The following WDR89 variants were observed in gnomAD, a reference collection of about 807,000 sequenced individuals.
The protein encoded by WDR89 is WD repeat domain 89.
WDR89 carries 17 observed loss-of-function variants against 29.1 expected under a neutral mutation model. The observed-to-expected ratio is 0.58, with a 90% CI of 0.40 to 0.88. The LOEUF (loss-of-function observed/expected upper bound fraction) is 0.88, where lower values mean the gene tolerates loss of function less well. Ranked by LOEUF, WDR89 falls within the 40% of genes least tolerant of loss-of-function variation. The pLI, the probability that WDR89 is intolerant of heterozygous loss-of-function variation, is 0.00. For synonymous variants in WDR89, 138 were observed against 157.8 expected (o/e 0.87, Z 0.94); for missense variants, 396 against 456.3 (o/e 0.87, Z 1.20).
chr14:63,605,164 C>CTA (rs1187855531), intron 2 of WDR89, among the ~76,000 whole-genome samples: 3 of 133,720 alleles, frequency 2.2e-5, no homozygotes, highest in South Asian at 2.3e-4. Context: ...CTCTCTCTCT[C>CTA]TCTATATATA....
At chr14:63,602,269 C>T (rs1321535560) in intron 2 of WDR89, among the ~76,000 whole-genome samples, 2 of 151,928 alleles carry the variant, frequency 1.3e-5, no homozygotes, top group Non-Finnish European at 2.9e-5. Context: ...GTCAGGAGTT[C>T]GAGACCAGTC....
chr14:63,633,350 T>C (rs1275541612), intron 1 of WDR89, among the ~76,000 whole-genome samples: 1 of 152,114 alleles, frequency 6.6e-6, no homozygotes, highest in African/African-American at 2.4e-5. Flanking sequence ...AGAAAGACAC[T>C]TTAACATATT....
intron 1 of WDR89, among the ~76,000 whole-genome samples, chr14:63,639,254 T>C (rs1366647893): frequency 1.3e-5 from 2 of 151,504 alleles, no homozygotes; most frequent in Admixed American, 6.6e-5. Context: ...GCATGGTGGC[T>C]CATGCCAGTA....
intron 1 of WDR89, among the ~76,000 whole-genome samples, chr14:63,640,487 C>CT (rs147475625): frequency 0.11 from 16,357 of 149,862 alleles, 1,993 homozygotes; most frequent in African/African-American, 0.31. Flanking sequence ...GTTTTATTGA[C>CT]TTTTTTTTTT....
intron 2 of WDR89, among the ~76,000 whole-genome samples, chr14:63,617,700 G>A (rs1595027641): frequency 6.6e-6 from 1 of 151,896 alleles, no homozygotes; most frequent in African/African-American, 2.4e-5. Context: ...GGCCAGGCTG[G>A]TCTCAAACCC....
At chr14:63,617,812 T>C (rs576701326) in intron 2 of WDR89, among the ~76,000 whole-genome samples, 34 of 152,242 alleles carry the variant, frequency 2.2e-4, no homozygotes, top group Non-Finnish European at 3.1e-4. Flanking sequence ...ATAAAAAACA[T>C]GCAACTGGTA....
intron 2 of WDR89, among the ~76,000 whole-genome samples, chr14:63,619,835 T>C (rs1409593978): frequency 6.6e-6 from 1 of 151,866 alleles, no homozygotes; most frequent in African/African-American, 2.4e-5. Context: ...TGAAACCCCA[T>C]CTCTAGTGAA....
intron 2 of WDR89, chr14:63,601,606 C>G: frequency 1.2e-6 from 2 of 1,613,130 alleles, no homozygotes; most frequent in South Asian, 2.2e-5. Context: ...ATTATGCTTC[C>G]AGAAAAATCT....
At position 63,628,832 on chromosome 14, in the gene WDR89, T is replaced by G. The variant is rs1883225959; in HGVS notation, c.-137-3799A>C. ...AAAAAATTAGCCAGGCATGGTGACG[T>G]GCATGCCTGTGGTCCCAGCAACTTG... On this transcript the variant is annotated intron_variant, in intron 1 of 2. Transcript: ENST00000620954. Among the ~76,000 whole-genome samples the G allele has an allele frequency of 2.0e-5, 3 of 151,798 alleles. No individual in the cohort carries two copies. In the East Asian group the frequency reaches 5.8e-4, roughly 29 times the overall value.
intron 2 of WDR89, chr14:63,601,757 T>A: frequency 1.5e-6 from 2 of 1,338,990 alleles, no homozygotes; most frequent in Non-Finnish European, 2.1e-6. Flanking sequence ...TAGTTCTAGA[T>A]GACAAGGATT....
intron 2 of WDR89, among the ~76,000 whole-genome samples, chr14:63,616,656 A>T (rs1054442495): frequency 6.6e-6 from 1 of 152,318 alleles, no homozygotes; most frequent in Admixed American, 6.5e-5. Flanking sequence ...AAGTCAGAGA[A>T]AGAAAGAAGG....
At chr14:63,608,701 T>C (rs1479740345) in intron 2 of WDR89, among the ~76,000 whole-genome samples, 1 of 136,546 alleles carries the variant, frequency 7.3e-6, no homozygotes, top group African/African-American at 3.0e-5. Context: ...CACACACAAA[T>C]AGGTTTAAGA....
intron 1 of WDR89, among the ~76,000 whole-genome samples, chr14:63,629,939 A>C (rs1257381655): frequency 6.6e-6 from 1 of 152,164 alleles, no homozygotes; most frequent in East Asian, 1.9e-4. Context: ...TTACATATTC[A>C]GAGTCATAAA....
At chr14:63,607,566 A>G (rs769608508) in intron 2 of WDR89, among the ~76,000 whole-genome samples, 1 of 152,170 alleles carries the variant, frequency 6.6e-6, no homozygotes, top group Non-Finnish European at 1.5e-5. Context: ...AGTCAGTTAT[A>G]CATATTTTAC....
intron 1 of WDR89, among the ~76,000 whole-genome samples, chr14:63,627,306 G>T (rs1489352395): frequency 6.6e-6 from 1 of 152,048 alleles, no homozygotes. Context: ...ATATGCGTAT[G>T]TAAGGAAGGA....
intron 1 of WDR89, among the ~76,000 whole-genome samples, chr14:63,628,129 T>A (rs983002353): frequency 6.6e-6 from 1 of 151,982 alleles, no homozygotes; most frequent in African/African-American, 2.4e-5. Context: ...CTCAGCTACT[T>A]GGGGGAGCTG....
At chr14:63,632,155 TAAATCCAA>T (rs1883447701) in intron 1 of WDR89, among the ~76,000 whole-genome samples, 1 of 148,784 alleles carries the variant, frequency 6.7e-6, no homozygotes, top group Non-Finnish European at 1.5e-5. Context: ...CAAAAAAAAG[TAAATCCAA>T]AAATCAAGAA....
intron 2 of WDR89, among the ~76,000 whole-genome samples, chr14:63,603,030 A>G (rs1306976018): frequency 6.6e-6 from 1 of 152,074 alleles, no homozygotes; most frequent in Non-Finnish European, 1.5e-5. Flanking sequence ...TGCTGGGATT[A>G]CAGGCGTGAG....
rs1894830656 is a variant in WDR89, at chr14:63,597,050, G to A, written c.*1729C>T. On this transcript the variant is annotated 3_prime_UTR_variant, in exon 3 of 3. Coordinates refer to ENST00000620954, the MANE Select transcript of WDR89 (RefSeq NM_080666.4). ...TGCCCAAGACTGGGTAATTTATAAA[G>A]GAAAGTGTTTAATTGACTGAAGAGT... 6.6e-6 allele frequency: 1 copy of A among 152,164 alleles called. No homozygotes were observed. Among genetic ancestry groups the A allele is most frequent in the Admixed American group, 6.5e-5 (1 of 15,278 alleles). 9.4% of individuals were successfully genotyped at this position (152,164 alleles called of 1,614,324 possible).
Sources: gnomAD v4.1 joint callset for allele counts (sites outside exome capture counted in the v4.1 genomes callset) on GRCh38, gnomAD v4.1.1 for gene constraint, MANE v1.5 for transcripts, NCBI Gene and HGNC (gene_info 2026-07-23, HGNC 2026-07-21) for gene names.